The following ARHGAP24 variants were observed in gnomAD, a reference collection of about 807,000 sequenced individuals.
ARHGAP24 encodes the protein rho GTPase-activating protein 24.
In ARHGAP24, 50 loss-of-function variants were observed where a neutral mutation model predicts 76.4. The observed-to-expected ratio is 0.65, with a 90% CI of 0.52 to 0.83. The LOEUF (loss-of-function observed/expected upper bound fraction) is 0.83, where lower values mean the gene tolerates loss of function less well. Ranked by LOEUF, ARHGAP24 falls within the 40% of genes least tolerant of loss-of-function variation. The pLI, the probability that ARHGAP24 is intolerant of heterozygous loss-of-function variation, is 0.00. For synonymous variants in ARHGAP24, 345 were observed against 323.3 expected, an observed-to-expected ratio of 1.07 and a Z score of -0.72; for missense variants, 930 against 914.2, an observed-to-expected ratio of 1.02 and a Z score of -0.22.
intron 3 of ARHGAP24, among the ~76,000 whole-genome samples, chr4:85,749,289 A>G (rs188047622): frequency 1.2e-4 from 19 of 152,302 alleles, no homozygotes; most frequent in Admixed American, 1.1e-3. Flanking sequence ...TGTTGATTGG[A>G]ATTCAGAAAA....
intron 6 of ARHGAP24, among the ~76,000 whole-genome samples, chr4:85,973,950 C>T (rs1225934172): frequency 6.8e-6 from 1 of 146,452 alleles, no homozygotes; most frequent in African/African-American, 2.5e-5. Context: ...TCACACCATT[C>T]TCCTGCCTCA....
chr4:85,953,505 T>A (rs1001041820), intron 5 of ARHGAP24, among the ~76,000 whole-genome samples: 1 of 152,106 alleles, frequency 6.6e-6, no homozygotes, highest in Non-Finnish European at 1.5e-5. Flanking sequence ...TAGGAGAGAT[T>A]TTTCAGTATC....
At chr4:85,730,022 C>T (rs1366565901) in intron 3 of ARHGAP24, among the ~76,000 whole-genome samples, 1 of 152,172 alleles carries the variant, frequency 6.6e-6, no homozygotes, top group African/African-American at 2.4e-5. Flanking sequence ...CAGGCCATGG[C>T]ATTATCCATT....
At chr4:85,581,857 A>G (rs374524331) in intron 2 of ARHGAP24, among the ~76,000 whole-genome samples, 9 of 152,062 alleles carry the variant, frequency 5.9e-5, no homozygotes, top group African/African-American at 2.2e-4. Context: ...TAAATAAGCC[A>G]AAGGTACTTT....
chr4:85,914,165 C>A (rs563097607), intron 3 of ARHGAP24, among the ~76,000 whole-genome samples: 1 of 152,266 alleles, frequency 6.6e-6, no homozygotes, highest in South Asian at 2.1e-4. Flanking sequence ...GTTATATGAT[C>A]CATAGCTTTA....
In ARHGAP24 at chr4:85,934,730, G is replaced by A. The variant is rs557049291; in HGVS notation, c.392-7336G>A. 2.2e-4 allele frequency among the ~76,000 whole-genome samples: 33 copies of A among 152,198 alleles called. No homozygotes were observed. The East Asian group carries it at 5.0e-3, about 23-fold the overall frequency. Reference sequence around the variant, plus strand: ...GGGTTTCATCACGTTGGCCAGGCTCGTCTCAAACTCCTGACCTCAAGTAAT... The same window carrying A: ...GGGTTTCATCACGTTGGCCAGGCTCATCTCAAACTCCTGACCTCAAGTAAT... On this transcript the variant is annotated intron_variant, in intron 4 of 9. Transcript: ENST00000395184.
intron 1 of ARHGAP24, among the ~76,000 whole-genome samples, chr4:85,487,057 A>G (rs60967000): frequency 0.039 from 5,826 of 150,666 alleles, 369 homozygotes; most frequent in African/African-American, 0.13. Flanking sequence ...CTTTGGAAAC[A>G]CTTAAATTAC....
intron 3 of ARHGAP24, among the ~76,000 whole-genome samples, chr4:85,823,133 T>C (rs1729553338): frequency 1.3e-5 from 2 of 152,184 alleles, no homozygotes; most frequent in Admixed American, 6.5e-5. Context: ...TACATTGTAG[T>C]AGTGGCCATT....
intron 3 of ARHGAP24, among the ~76,000 whole-genome samples, chr4:85,908,514 T>G (rs1734895696): frequency 6.6e-6 from 1 of 152,224 alleles, no homozygotes; most frequent in Admixed American, 6.5e-5. Flanking sequence ...GAGGAGAATG[T>G]TGTAATTTGA....
chr4:85,589,644 C>T lies in ARHGAP24; in HGVS notation c.180+18923C>T, dbSNP rs562183926. Among the ~76,000 whole-genome samples, 15 of 152,214 alleles carry T rather than the reference C, an allele frequency of 9.9e-5. No homozygotes were observed. The East Asian group carries it at 1.5e-3, about 16-fold the overall frequency. ...CCAGAGATATATTTTTTGTTTCCTT[C>T]GCTTCCCAATATCAAGCTATCCTTT... On this transcript the variant is annotated intron_variant, in intron 2 of 9. Coordinates refer to ENST00000395184, the MANE Select transcript of ARHGAP24 (RefSeq NM_001025616.3).
intron 2 of ARHGAP24, among the ~76,000 whole-genome samples, chr4:85,720,001 G>A (rs1345065982): frequency 2.0e-5 from 3 of 151,528 alleles, no homozygotes; most frequent in East Asian, 1.9e-4. Context: ...GCAAAAAAGT[G>A]TAAGAGCAGA....
intron 2 of ARHGAP24, among the ~76,000 whole-genome samples, chr4:85,639,799 T>C (rs1056471643): frequency 6.6e-6 from 1 of 152,098 alleles, no homozygotes; most frequent in African/African-American, 2.4e-5. Flanking sequence ...TAGTACAGTT[T>C]TGTAACAGCT....
intron 3 of ARHGAP24, among the ~76,000 whole-genome samples, chr4:85,726,676 G>T (rs542291944): frequency 5.3e-5 from 8 of 152,284 alleles, no homozygotes; most frequent in Non-Finnish European, 1.2e-4. Flanking sequence ...GGGATCTAGA[G>T]AGAGTACTAC....
chr4:85,589,665 C>G (rs1728004546), intron 2 of ARHGAP24, among the ~76,000 whole-genome samples: 2 of 152,132 alleles, frequency 1.3e-5, no homozygotes, highest in African/African-American at 4.8e-5. Flanking sequence ...ATCAAGCTAT[C>G]CTTTGGGTCC....
chr4:85,907,751 A>G (rs1045699493), intron 3 of ARHGAP24, among the ~76,000 whole-genome samples: 1 of 152,112 alleles, frequency 6.6e-6, no homozygotes, highest in Non-Finnish European at 1.5e-5. Context: ...CTTAATTTTC[A>G]TTGTATCCAT....
chr4:85,629,075 T>C (rs548403504), intron 2 of ARHGAP24, among the ~76,000 whole-genome samples: 73 of 152,212 alleles, frequency 4.8e-4, no homozygotes, highest in Non-Finnish European at 8.8e-4. Flanking sequence ...GTGATGATTC[T>C]TTTTGTAGTG....
chr4:85,479,333 T>C (rs1722722911), intron 1 of ARHGAP24, among the ~76,000 whole-genome samples: 1 of 152,222 alleles, frequency 6.6e-6, no homozygotes. Context: ...AAAATACACT[T>C]GAGTTTAAAG....
intron 5 of ARHGAP24, among the ~76,000 whole-genome samples, chr4:85,947,186 T>A (rs1380302466): frequency 2.0e-5 from 3 of 152,160 alleles, no homozygotes; most frequent in Non-Finnish European, 4.4e-5. Context: ...TTATTTGGTT[T>A]TTTGCTTGTT....
chr4:85,954,889 A>T (rs1210396219), intron 5 of ARHGAP24, among the ~76,000 whole-genome samples: 1 of 152,214 alleles, frequency 6.6e-6, no homozygotes, highest in East Asian at 1.9e-4. Flanking sequence ...GCATGCCTGT[A>T]ATCCCAGCTC....
Sources: allele counts gnomAD v4.1 joint callset (sites outside exome capture counted in the v4.1 genomes callset), GRCh38; gene constraint gnomAD v4.1.1; transcripts MANE v1.5; gene names NCBI Gene and HGNC (gene_info 2026-07-23, HGNC 2026-07-21).